SOS1: variants seen among roughly 807,000 people sequenced by gnomAD.
The protein encoded by SOS1 is son of sevenless homolog 1.
SOS1 carries 25 observed loss-of-function variants against 157.6 expected under a neutral mutation model. The ratio of observed to expected loss-of-function variants is 0.16; its 90% CI spans 0.12 to 0.22. The LOEUF (loss-of-function observed/expected upper bound fraction) is 0.22. Ranked by LOEUF, SOS1 falls within the 10% of genes least tolerant of loss-of-function variation. The pLI, the probability that SOS1 is intolerant of heterozygous loss-of-function variation, is 1.00. For synonymous variants in SOS1, 528 were observed against 534.0 expected (o/e 0.99, Z 0.16); for missense variants, 1,237 against 1,599.1 (o/e 0.77, Z 3.86).
intron 6 of SOS1, among the ~76,000 whole-genome samples, chr2:39,048,511 G>A (rs1670878382): frequency 1.3e-5 from 2 of 151,552 alleles, no homozygotes; most frequent in Admixed American, 6.6e-5. Context: ...AGCAATTCTC[G>A]TGTCTCAGTC....
At chr2:39,042,569 A>T (rs926290457) in intron 6 of SOS1, among the ~76,000 whole-genome samples, 5 of 151,900 alleles carry the variant, frequency 3.3e-5, no homozygotes, top group Non-Finnish European at 4.4e-5. Context: ...ACGCCCAGCT[A>T]ATTTTTTGTA....
chr2:39,084,934 A>C (rs945633873), intron 1 of SOS1, among the ~76,000 whole-genome samples: 1 of 152,232 alleles, frequency 6.6e-6, no homozygotes, highest in Non-Finnish European at 1.5e-5. Flanking sequence ...TTTATCTTCC[A>C]AAAGTGGCAT....
chr2:39,006,353 T>G (rs1669282092), intron 17 of SOS1, 59 bp downstream of exon 17: 5 of 850,744 alleles, frequency 5.9e-6, no homozygotes, highest in Non-Finnish European at 8.2e-6. Flanking sequence ...AGTCATTTAA[T>G]GAAATGAGTG....
chr2:39,034,193 T>C (rs528442349), intron 8 of SOS1, among the ~76,000 whole-genome samples: 6 of 152,350 alleles, frequency 3.9e-5, no homozygotes, highest in Non-Finnish European at 5.9e-5. Flanking sequence ...CCTTTCTCAA[T>C]GTAAACATTC....
At chr2:39,117,630 C>A (rs1478970267) in intron 1 of SOS1, among the ~76,000 whole-genome samples, 1 of 152,146 alleles carries the variant, frequency 6.6e-6, no homozygotes, top group Non-Finnish European at 1.5e-5. Flanking sequence ...ATCAACAATT[C>A]TGAGTGTGAC....
intron 8 of SOS1, among the ~76,000 whole-genome samples, chr2:39,029,228 G>A (rs990722104): frequency 3.9e-5 from 6 of 152,126 alleles, no homozygotes; most frequent in Admixed American, 6.5e-5. Flanking sequence ...AAAATGTTAC[G>A]ATATGTCATT....
chr2:39,087,944 G>T (rs1672437156), intron 1 of SOS1, among the ~76,000 whole-genome samples: 1 of 151,782 alleles, frequency 6.6e-6, no homozygotes, highest in South Asian at 2.1e-4. Context: ...TTCCCAAAGT[G>T]CTGGGATCAC....
chr2:39,020,052 A>G (rs1376428613), intron 10 of SOS1, among the ~76,000 whole-genome samples: 3 of 151,758 alleles, frequency 2.0e-5, no homozygotes, highest in Non-Finnish European at 4.4e-5. Context: ...ATATGAGTCA[A>G]TGTAACATGG....
Position 39,067,815 on chromosome 2 carries a change from A to C in SOS1, c.88-62T>G, listed in dbSNP as rs368310785. 89 of 1,498,380 alleles carry C rather than the reference A, an allele frequency of 5.9e-5. No individual in the cohort carries two copies. The East Asian group carries it at 2.0e-3, about 33-fold the overall frequency. 92.8% of individuals were successfully genotyped at this position (1,498,380 alleles called of 1,614,324 possible). On this transcript the variant is annotated intron_variant, in intron 1 of 22. Coordinates refer to ENST00000402219, the MANE Select transcript of SOS1 (RefSeq NM_005633.4). ...CCATATCATTAAACAAATTTTTAAA[A>C]CTTTAAAAAATGTGGGTTTGTGGCC...
At chr2:39,096,221 T>C (rs562647299) in intron 1 of SOS1, among the ~76,000 whole-genome samples, 44 of 152,226 alleles carry the variant, frequency 2.9e-4, no homozygotes, top group Non-Finnish European at 6.3e-4. Context: ...AGGATAGCCT[T>C]ATATTTTTAC....
chr2:39,014,244 A>G (rs1488637129), intron 11 of SOS1, among the ~76,000 whole-genome samples: 1 of 152,128 alleles, frequency 6.6e-6, no homozygotes, highest in Non-Finnish European at 1.5e-5. Context: ...GAATACATGC[A>G]AATTCTAAAA....
At chr2:39,010,832 C>A in intron 14 of SOS1, 129 bp from the exon 15 acceptor site, 1 of 710,012 alleles carries the variant, frequency 1.4e-6, no homozygotes, top group Non-Finnish European at 2.4e-6. Context: ...ACAGAAAGGT[C>A]TGTGAAAACA....
chr2:39,017,534 C>T (rs1021912012), intron 10 of SOS1, among the ~76,000 whole-genome samples: 2 of 151,938 alleles, frequency 1.3e-5, no homozygotes, highest in Non-Finnish European at 2.9e-5. Flanking sequence ...ATAATCATGA[C>T]TGTTGTATTA....
chr2:38,989,295 G>C lies in SOS1; in HGVS notation c.3366C>G (p.Ile1122Met), dbSNP rs765832489. The change falls in exon 21 of 23, where the codon ATC (isoleucine) becomes ATG (methionine). Residue 1122 changes from isoleucine (I) to methionine (M), a missense_variant. Coordinates refer to ENST00000402219, the MANE Select transcript of SOS1 (RefSeq NM_005633.4). ...TTGGGCCATGGGGCAGAGTAACTTG[G>C]ATAAAGACGGTATCATTGCCTGTGA... ...PFHSSNDTVF[I>M]QVTLPHGPRS... is the part of the protein sequence containing the mutation. The C allele has an allele frequency of 3.7e-6, 6 of 1,606,790 alleles. No homozygotes were observed. The highest frequency in any genetic ancestry group is 5.1e-6 in the Non-Finnish European group (6 of 1,173,698).
At chr2:38,992,195 A>G (rs1461099205) in intron 20 of SOS1, 2 of 152,194 alleles carry the variant, frequency 1.3e-5, no homozygotes, top group African/African-American at 4.8e-5. Flanking sequence ...TAGTTAGGCA[A>G]AAGTGAAGAC....
intron 6 of SOS1, among the ~76,000 whole-genome samples, chr2:39,048,405 T>C (rs540951337): frequency 9.3e-5 from 14 of 150,888 alleles, no homozygotes; most frequent in Non-Finnish European, 1.8e-4. Flanking sequence ...AAGATTTTCT[T>C]TTTTTTTTTC....
rs142094234 is a variant in SOS1, at chr2:39,051,253, A to G, written c.755T>C (p.Ile252Thr). 57 of 1,611,604 alleles carry G rather than the reference A, an allele frequency of 3.5e-5. No homozygotes were observed. Among genetic ancestry groups the G allele is most frequent in the Admixed American group, 1.8e-4 (11 of 60,020 alleles). Residue 252 changes from isoleucine to threonine, a missense_variant, in exon 6 of 23, where the codon ATA becomes ACA. Transcript: ENST00000402219. ...CAGTAACTTTACACTAAGTTCATGT[A>G]TATCTACTATGCGACTAAATATATT... ...VENIFSRIVD[I>T]HELSVKLLGH... is the part of the protein sequence containing the mutation.
intron 1 of SOS1, among the ~76,000 whole-genome samples, chr2:39,115,406 CTTTTTTTTTTTT>C (rs550526461): frequency 3.0e-4 from 19 of 64,066 alleles, no homozygotes; most frequent in Non-Finnish European, 4.0e-4. Flanking sequence ...TGTTCTCTCT[CTTTTTTTTTTTT>C]TTTTTTTTTT....
At chr2:39,013,804 A>G in intron 12 of SOS1, 63 bp downstream of exon 12, 3 of 1,434,118 alleles carry the variant, frequency 2.1e-6, no homozygotes, top group Non-Finnish European at 2.9e-6. Flanking sequence ...AGGTCCTTAT[A>G]TACTTCAACA....
Sources: gnomAD v4.1 joint callset for allele counts (sites outside exome capture counted in the v4.1 genomes callset) on GRCh38, gnomAD v4.1.1 for gene constraint, MANE v1.5 for transcripts, NCBI Gene and HGNC (gene_info 2026-07-23, HGNC 2026-07-21) for gene names.